TAFA2: variants seen among roughly 807,000 people sequenced by gnomAD.
TAFA2 encodes the protein TAFA chemokine like family member 2, also known as chemokine-like protein TAFA-2.
A neutral mutation model predicts 18.8 loss-of-function variants in TAFA2; 7 were observed. The ratio of observed to expected loss-of-function variants is 0.37; its 90% confidence interval spans 0.21 to 0.70. The LOEUF is 0.70. Among genes scored for constraint, TAFA2 ranks in the 30% least tolerant of loss-of-function variants. The probability of loss-of-function intolerance (pLI) is 0.53; values close to 1 mark genes in which losing one functional copy is unlikely to be tolerated. For synonymous variants in TAFA2, 60 were observed against 54.2 expected, an observed-to-expected ratio of 1.11 and a Z score of -0.47; for missense variants, 122 against 158.1, an observed-to-expected ratio of 0.77 and a Z score of 1.23.
chr12:62,058,263 A>T (rs1196316352), intron 1 of TAFA2, among the ~76,000 whole-genome samples: 1 of 152,076 alleles, frequency 6.6e-6, no homozygotes, highest in Non-Finnish European at 1.5e-5. Context: ...CCGTTTGTTC[A>T]CTTGGGATTC....
chr12:61,767,436 T>G (rs922690115), intron 2 of TAFA2, among the ~76,000 whole-genome samples: 1 of 152,142 alleles, frequency 6.6e-6, no homozygotes, highest in Non-Finnish European at 1.5e-5. Flanking sequence ...GTTTCCTGTA[T>G]CTAATTTTGC....
chr12:62,139,923 G>A (rs1052790814), intron 1 of TAFA2: 9 of 152,114 alleles, frequency 5.9e-5, no homozygotes, highest in African/African-American at 2.2e-4. Flanking sequence ...CTACCATGTG[G>A]GTACTCAATA....
intron 1 of TAFA2, among the ~76,000 whole-genome samples, chr12:61,962,083 C>T (rs1174661174): frequency 2.0e-5 from 3 of 151,912 alleles, no homozygotes; most frequent in Admixed American, 6.6e-5. Flanking sequence ...TACATTAAGG[C>T]CAACAAAATG....
intron 4 of TAFA2, among the ~76,000 whole-genome samples, chr12:61,712,146 G>A (rs1869440583): frequency 1.3e-5 from 2 of 152,090 alleles, no homozygotes; most frequent in South Asian, 4.1e-4. Flanking sequence ...CTGTTGCTCA[G>A]TGTAGCCAAA....
chr12:62,082,401 A>T (rs565083213), intron 1 of TAFA2, among the ~76,000 whole-genome samples: 3 of 152,102 alleles, frequency 2.0e-5, no homozygotes, highest in Non-Finnish European at 4.4e-5. Context: ...TGCTCCTTTC[A>T]TCTTTAGTAG....
intron 1 of TAFA2, among the ~76,000 whole-genome samples, chr12:62,200,344 A>C (rs1391964737): frequency 6.6e-6 from 1 of 152,110 alleles, no homozygotes. Flanking sequence ...CTATGTACTA[A>C]ATGGTATTGC....
chr12:61,726,474 G>T (rs193255478), intron 4 of TAFA2, among the ~76,000 whole-genome samples: 2 of 152,014 alleles, frequency 1.3e-5, no homozygotes, highest in Admixed American at 1.3e-4. Context: ...GTACTCCTAG[G>T]TATTTTATTT....
intron 1 of TAFA2, among the ~76,000 whole-genome samples, chr12:62,180,613 T>C (rs990205218): frequency 2.0e-5 from 3 of 152,182 alleles, no homozygotes; most frequent in African/African-American, 7.2e-5. Context: ...GTTTTAATTT[T>C]GTGGAATCTT....
At chr12:61,882,761 C>T (rs1875203848) in intron 1 of TAFA2, among the ~76,000 whole-genome samples, 1 of 152,096 alleles carries the variant, frequency 6.6e-6, no homozygotes, top group African/African-American at 2.4e-5. Flanking sequence ...TACTACATAA[C>T]ACAGAAAGAA....
chr12:61,929,960 A>T (rs1270184042), intron 1 of TAFA2, among the ~76,000 whole-genome samples: 1 of 149,246 alleles, frequency 6.7e-6, no homozygotes, highest in Non-Finnish European at 1.5e-5. Context: ...AACAATGACA[A>T]CACATGGACA....
intron 1 of TAFA2, among the ~76,000 whole-genome samples, chr12:62,028,001 G>A (rs545565984): frequency 2.6e-5 from 4 of 152,242 alleles, no homozygotes; most frequent in East Asian, 3.9e-4. Flanking sequence ...TGAATCTCCA[G>A]TCTAGGTCTT....
intron 1 of TAFA2, among the ~76,000 whole-genome samples, chr12:62,041,417 A>G (rs1881754227): frequency 6.6e-6 from 1 of 152,198 alleles, no homozygotes; most frequent in South Asian, 2.1e-4. Flanking sequence ...GAAGGTACTG[A>G]AAGTGGATTT....
At chr12:61,884,305 AG>A (rs751787956) in intron 1 of TAFA2, among the ~76,000 whole-genome samples, 59 of 152,280 alleles carry the variant, frequency 3.9e-4, no homozygotes, top group Middle Eastern at 6.8e-3. Context: ...GGGACTGCAA[AG>A]GACATCAGCC....
At chr12:61,839,467 A>C (rs1428286775) in intron 2 of TAFA2, among the ~76,000 whole-genome samples, 1 of 152,046 alleles carries the variant, frequency 6.6e-6, no homozygotes, top group Non-Finnish European at 1.5e-5. Context: ...TTATCATAAC[A>C]CTACTCACGA....
intron 1 of TAFA2, among the ~76,000 whole-genome samples, chr12:61,914,997 C>T (rs1876763582): frequency 6.6e-6 from 1 of 152,024 alleles, no homozygotes; most frequent in Admixed American, 6.6e-5. Context: ...ACTCTGTCTA[C>T]TAAAAATACA....
At chr12:61,832,902 C>G (rs1384743332) in intron 2 of TAFA2, among the ~76,000 whole-genome samples, 1 of 151,520 alleles carries the variant, frequency 6.6e-6, no homozygotes, top group Non-Finnish European at 1.5e-5. Context: ...TCATCCAATA[C>G]TAGGATTTAA....
At chr12:61,881,871 T>G (rs1875157127) in intron 1 of TAFA2, among the ~76,000 whole-genome samples, 3 of 151,850 alleles carry the variant, frequency 2.0e-5, no homozygotes, top group Admixed American at 1.3e-4. Flanking sequence ...TATTTCTGAG[T>G]AGGTAGCACT....
intron 1 of TAFA2, among the ~76,000 whole-genome samples, chr12:62,255,784 G>T (rs189977710): frequency 2.0e-5 from 3 of 152,100 alleles, no homozygotes; most frequent in African/African-American, 4.8e-5. Flanking sequence ...AACTTGAGAG[G>T]CGAAGGTTGC....
At chr12:61,988,216 C>A (rs543409346) in intron 1 of TAFA2, among the ~76,000 whole-genome samples, 2 of 152,132 alleles carry the variant, frequency 1.3e-5, no homozygotes, top group Admixed American at 6.5e-5. Flanking sequence ...ATTGCCTTGT[C>A]GGTTTCCTTT....
Sources: allele counts gnomAD v4.1 joint callset (sites outside exome capture counted in the v4.1 genomes callset), GRCh38; gene constraint gnomAD v4.1.1; transcripts MANE v1.5; gene names NCBI Gene and HGNC (gene_info 2026-07-23, HGNC 2026-07-21).